KAZN: variants seen among roughly 807,000 people sequenced by gnomAD.
KAZN encodes the protein kazrin, periplakin interacting protein, also known as kazrin.
Under a neutral mutation model 87.4 loss-of-function variants are expected in KAZN, and 40 were observed. The observed-to-expected ratio is 0.46, with a 90% CI of 0.36 to 0.60. The LOEUF is 0.60. KAZN is among the 20% of genes least tolerant of loss of function. The pLI is 0.00. For missense variants in KAZN, 898 were observed against 1,073.9 expected (o/e 0.84, Z 2.29); for synonymous variants, 466 against 458.3 (o/e 1.02, Z -0.22).
At chr1:14,964,649 C>T (rs764252338) in intron 2 of KAZN, among the ~76,000 whole-genome samples, 5 of 152,106 alleles carry the variant, frequency 3.3e-5, no homozygotes, top group South Asian at 4.1e-4. Flanking sequence ...GGGGAATAAA[C>T]GCACAAGCCG....
chr1:13,981,233 TA>T (rs1397664664), intron 1 of KAZN, among the ~76,000 whole-genome samples: 4 of 146,570 alleles, frequency 2.7e-5, no homozygotes, highest in Non-Finnish European at 4.5e-5. Flanking sequence ...TCACAATTTT[TA>T]AAAAGTTAAA....
intron 1 of KAZN, among the ~76,000 whole-genome samples, chr1:14,748,735 T>G (rs1017686679): frequency 6.6e-6 from 1 of 152,186 alleles, no homozygotes; most frequent in Non-Finnish European, 1.5e-5. Flanking sequence ...GAAGACTAAA[T>G]GAGGCAATGT....
At chr1:14,107,756 A>G (rs533568264) in intron 1 of KAZN, among the ~76,000 whole-genome samples, 1 of 152,166 alleles carries the variant, frequency 6.6e-6, no homozygotes, top group African/African-American at 2.4e-5. Flanking sequence ...TGAGCTTTGT[A>G]TGCTGGGTTG....
intron 2 of KAZN, among the ~76,000 whole-genome samples, chr1:14,426,270 T>C (rs1158520660): frequency 6.6e-6 from 1 of 152,206 alleles, no homozygotes; most frequent in African/African-American, 2.4e-5. Context: ...ATGTCACCTC[T>C]GCAGAAAGGC....
chr1:14,444,571 C>A (rs1666873542), intron 2 of KAZN, among the ~76,000 whole-genome samples: 1 of 152,126 alleles, frequency 6.6e-6, no homozygotes, highest in Non-Finnish European at 1.5e-5. Flanking sequence ...CCTTGGCCTC[C>A]CAAAGTGTTG....
intron 2 of KAZN, among the ~76,000 whole-genome samples, chr1:14,239,961 C>T (rs1648795285): frequency 1.3e-5 from 2 of 152,146 alleles, no homozygotes; most frequent in Admixed American, 6.5e-5. Flanking sequence ...AAGATGTACC[C>T]AGCCCCAAAT....
chr1:14,970,021 C>T (rs1664852066), intron 2 of KAZN, among the ~76,000 whole-genome samples: 1 of 152,100 alleles, frequency 6.6e-6, no homozygotes, highest in African/African-American at 2.4e-5. Flanking sequence ...ACCGTGTTGG[C>T]CAGGCTGGTC....
intron 2 of KAZN, among the ~76,000 whole-genome samples, chr1:14,449,299 C>A (rs571399442): frequency 1.3e-4 from 20 of 152,320 alleles, no homozygotes; most frequent in African/African-American, 4.6e-4. Flanking sequence ...TGGCTGCTGG[C>A]CATCCTGGAT....
chr1:14,433,962 T>A (rs1233204916), intron 2 of KAZN, among the ~76,000 whole-genome samples: 2 of 152,218 alleles, frequency 1.3e-5, no homozygotes, highest in Non-Finnish European at 2.9e-5. Flanking sequence ...AAGGAGGCTG[T>A]TTGCAAACCA....
intron 2 of KAZN, among the ~76,000 whole-genome samples, chr1:14,225,151 C>A (rs746598272): frequency 6.6e-6 from 1 of 152,022 alleles, no homozygotes; most frequent in African/African-American, 2.4e-5. Flanking sequence ...CTAGAAAACC[C>A]CAGTCTTTGC....
At chr1:14,205,864 G>A (rs1094037) in intron 2 of KAZN, among the ~76,000 whole-genome samples, 57,876 of 114,700 alleles carry the variant, frequency 0.5, 14,519 homozygotes, top group Non-Finnish European at 0.57. Context: ...CCAGCCAGGC[G>A]ACAGAGCAAG....
At chr1:13,997,176 A>T (rs12029487) in intron 1 of KAZN, among the ~76,000 whole-genome samples, 7 of 72,540 alleles carry the variant, frequency 9.6e-5, no homozygotes, top group East Asian at 5.7e-4. Flanking sequence ...ACCATCATCA[A>T]CAACAACAAC....
chr1:14,649,447 CT>C (rs1487324985), intron 1 of KAZN, among the ~76,000 whole-genome samples: 1 of 151,952 alleles, frequency 6.6e-6, no homozygotes, highest in East Asian at 1.9e-4. Context: ...AGTCGTTGGT[CT>C]TGGGAAAATG....
At chr1:14,304,162 C>T (rs1034251979) in intron 2 of KAZN, among the ~76,000 whole-genome samples, 1 of 152,124 alleles carries the variant, frequency 6.6e-6, no homozygotes, top group Non-Finnish European at 1.5e-5. Flanking sequence ...AGAAAATGGG[C>T]CCAGAAGAAT....
intron 1 of KAZN, among the ~76,000 whole-genome samples, chr1:13,904,246 A>G (rs1483936442): frequency 2.6e-5 from 4 of 152,148 alleles, no homozygotes; most frequent in Admixed American, 6.5e-5. Flanking sequence ...CAGAGGAAAT[A>G]GCCACTTCTA....
intron 2 of KAZN, among the ~76,000 whole-genome samples, chr1:14,532,329 TCAGA>T (rs1370819815): frequency 6.6e-6 from 1 of 152,082 alleles, no homozygotes; most frequent in East Asian, 1.9e-4. Flanking sequence ...CTGTCATGAC[TCAGA>T]CAGGCATTGG....
intron 1 of KAZN, among the ~76,000 whole-genome samples, chr1:14,717,882 T>G (rs958579989): frequency 1.3e-5 from 2 of 152,200 alleles, no homozygotes; most frequent in Non-Finnish European, 2.9e-5. Context: ...CCACCCCTGC[T>G]GCACCCGAAA....
intron 2 of KAZN, among the ~76,000 whole-genome samples, chr1:15,026,506 G>A (rs551936338): frequency 6.6e-6 from 1 of 152,158 alleles, no homozygotes; most frequent in Non-Finnish European, 1.5e-5. Context: ...CCGAGGCTTA[G>A]AGCGGGGGAA....
chr1:15,080,857 C>T (rs558006946), intron 8 of KAZN, among the ~76,000 whole-genome samples: 10 of 151,936 alleles, frequency 6.6e-5, no homozygotes, highest in Admixed American at 5.2e-4. Flanking sequence ...ATGCTGGGGA[C>T]GCTGGGAGCA....
Sources: allele counts gnomAD v4.1 joint callset (sites outside exome capture counted in the v4.1 genomes callset), GRCh38; gene constraint gnomAD v4.1.1; transcripts MANE v1.5; gene names NCBI Gene and HGNC (gene_info 2026-07-23, HGNC 2026-07-21).